ZNF407: variants seen among roughly 807,000 people sequenced by gnomAD.
ZNF407 encodes the protein zinc finger protein 407.
ZNF407 carries 17 observed loss-of-function variants against 131.2 expected under a neutral mutation model. The ratio of observed to expected loss-of-function variants is 0.13; its 90% CI spans 0.09 to 0.19. The LOEUF (loss-of-function observed/expected upper bound fraction) is 0.19, where lower values mean the gene tolerates loss of function less well. Among genes scored for constraint, ZNF407 ranks in the 10% least tolerant of loss-of-function variants. The pLI, the probability that ZNF407 is intolerant of heterozygous loss-of-function variation, is 1.00. For synonymous variants in ZNF407, 1,156 were observed against 1,062.0 expected, an observed-to-expected ratio of 1.09 and a Z score of -1.72; for missense variants, 2,681 against 2,830.6, an observed-to-expected ratio of 0.95 and a Z score of 1.20.
intron 8 of ZNF407, among the ~76,000 whole-genome samples, chr18:74,998,265 G>A (rs1972802270): frequency 6.6e-6 from 1 of 152,122 alleles, no homozygotes; most frequent in African/African-American, 2.4e-5. Flanking sequence ...GCTCAGTGAA[G>A]GGCAAAGCAA....
chr18:75,049,569 T>C (rs1973475900), intron 8 of ZNF407, among the ~76,000 whole-genome samples: 1 of 152,176 alleles, frequency 6.6e-6, no homozygotes, highest in Non-Finnish European at 1.5e-5. Flanking sequence ...CAGGTTTTTT[T>C]AATAGGAGTC....
intron 7 of ZNF407, among the ~76,000 whole-genome samples, chr18:74,908,288 T>C (rs1010451629): frequency 6.6e-6 from 1 of 152,204 alleles, no homozygotes; most frequent in African/African-American, 2.4e-5. Flanking sequence ...TAACTAAGAT[T>C]ATAAAAATAT....
intron 8 of ZNF407, among the ~76,000 whole-genome samples, chr18:74,951,877 C>T (rs946149700): frequency 4.7e-5 from 7 of 147,538 alleles, no homozygotes; most frequent in African/African-American, 1.8e-4. Context: ...AACCATCATA[C>T]AGAACAGGAT....
intron 8 of ZNF407, among the ~76,000 whole-genome samples, chr18:74,935,075 C>G (rs915979481): frequency 6.6e-6 from 1 of 152,138 alleles, no homozygotes. Flanking sequence ...CTTGCATATT[C>G]ATGTTTATGT....
At chr18:74,866,820 T>G (rs1012901762) in intron 4 of ZNF407, among the ~76,000 whole-genome samples, 1 of 148,900 alleles carries the variant, frequency 6.7e-6, no homozygotes, top group African/African-American at 2.4e-5. Flanking sequence ...ATTTTATTCA[T>G]TATATTATTT....
At position 74,631,958 on chromosome 18, in the gene ZNF407, G is replaced by T. The variant is rs760879417; in HGVS notation, c.939G>T (p.Lys313Asn). The stretch of plus-strand genomic sequence containing the variant: ...CAAGAACTTCTAAATCAATAGCAAA[G>T]AATAGTGATTCAAAAGGATTACGAA... The part of the protein sequence containing the change: ...SKPRTSKSIA[K>N]NSDSKGLRNV... Residue 313 changes from lysine (K) to asparagine (N), a missense_variant, in exon 2 of 9, where the codon AAG (lysine) becomes AAT (asparagine). This residue lies in a region of ZNF407 where 1,789 missense variants were observed against 1,748.7 expected (regional missense o/e 1.02). Coordinates refer to ENST00000299687, the MANE Select transcript of ZNF407 (RefSeq NM_017757.3). 5 of 1,613,814 alleles carry T rather than the reference G, an allele frequency of 3.1e-6. No individual in the cohort carries two copies. In the Admixed American group the frequency reaches 8.3e-5, roughly 27 times the overall value.
chr18:74,950,220 T>C (rs12454159), intron 8 of ZNF407, among the ~76,000 whole-genome samples: 29,622 of 152,208 alleles, frequency 0.19, 3,480 homozygotes, highest in African/African-American at 0.3. Flanking sequence ...CAAAGCTGCC[T>C]GCTGCCGATC....
intron 3 of ZNF407, among the ~76,000 whole-genome samples, chr18:74,656,022 TA>T (rs1463925087): frequency 6.6e-6 from 1 of 152,120 alleles, no homozygotes; most frequent in Admixed American, 6.6e-5. Context: ...ATAATTTGTA[TA>T]AAAATTTTAT....
intron 8 of ZNF407, among the ~76,000 whole-genome samples, chr18:74,931,804 G>C (rs530843838): frequency 3.9e-5 from 6 of 152,308 alleles, no homozygotes; most frequent in African/African-American, 1.4e-4. Context: ...ATGATGTTGA[G>C]CATCAATTCA....
chr18:74,602,299 G>T (rs184124242), intron 1 of ZNF407, among the ~76,000 whole-genome samples: 125 of 152,302 alleles, frequency 8.2e-4, no homozygotes, highest in African/African-American at 2.9e-3. Context: ...TGCGGGAGAA[G>T]GTAGAGAGAG....
chr18:74,715,250 C>T (rs752325195), intron 3 of ZNF407, among the ~76,000 whole-genome samples: 2 of 152,166 alleles, frequency 1.3e-5, no homozygotes, highest in Non-Finnish European at 2.9e-5. Context: ...CAGCAGTCCA[C>T]GGTAACTTGT....
chr18:74,853,637 G>A (rs1970819951), intron 4 of ZNF407, among the ~76,000 whole-genome samples: 1 of 152,148 alleles, frequency 6.6e-6, no homozygotes. Flanking sequence ...AGAGTCTGCA[G>A]CGCTACCTGT....
At chr18:74,832,378 G>A (rs180838824) in intron 4 of ZNF407, among the ~76,000 whole-genome samples, 2 of 152,250 alleles carry the variant, frequency 1.3e-5, no homozygotes, top group East Asian at 3.9e-4. Context: ...GTGAGGGGAA[G>A]CAACCTGAGA....
chr18:74,784,796 T>C (rs1373326051), intron 4 of ZNF407, among the ~76,000 whole-genome samples: 1 of 152,232 alleles, frequency 6.6e-6, no homozygotes, highest in Non-Finnish European at 1.5e-5. Context: ...CTAATAGTAA[T>C]CTAGAAAACG....
chr18:74,954,000 G>A (rs1360365197), intron 8 of ZNF407, among the ~76,000 whole-genome samples: 16 of 152,102 alleles, frequency 1.1e-4, no homozygotes, highest in African/African-American at 2.7e-4. Flanking sequence ...GTGCGTGCAC[G>A]TGGACACACA....
At chr18:74,731,606 GAGA>G (rs1968295981) in intron 3 of ZNF407, among the ~76,000 whole-genome samples, 1 of 152,188 alleles carries the variant, frequency 6.6e-6, no homozygotes, top group Non-Finnish European at 1.5e-5. Flanking sequence ...CTTGGATTTT[GAGA>G]AGATGAGTGT....
chr18:74,841,296 T>C (rs1366986489), intron 4 of ZNF407, among the ~76,000 whole-genome samples: 1 of 152,220 alleles, frequency 6.6e-6, no homozygotes, highest in Non-Finnish European at 1.5e-5. Flanking sequence ...GAGCAAGCCC[T>C]GCATATTAGT....
intron 7 of ZNF407, among the ~76,000 whole-genome samples, chr18:74,900,844 T>C (rs550747813): frequency 4.6e-5 from 7 of 152,346 alleles, no homozygotes; most frequent in African/African-American, 1.7e-4. Flanking sequence ...ATGAACTAAA[T>C]TATATATTTT....
At chr18:74,836,985 T>G (rs1300482915) in intron 4 of ZNF407, among the ~76,000 whole-genome samples, 1 of 152,184 alleles carries the variant, frequency 6.6e-6, no homozygotes, top group African/African-American at 2.4e-5. Context: ...GGAAATGTGC[T>G]ACTGCAGAAG....
Sources: allele counts gnomAD v4.1 joint callset (sites outside exome capture counted in the v4.1 genomes callset), GRCh38; gene constraint gnomAD v4.1.1; regional missense constraint gnomAD v4.1.1; transcripts MANE v1.5; gene names NCBI Gene and HGNC (gene_info 2026-07-23, HGNC 2026-07-21).